SCN2B: variants seen among roughly 807,000 people sequenced by gnomAD.
The protein encoded by SCN2B is sodium channel regulatory subunit beta-2.
A neutral mutation model predicts 18.2 loss-of-function variants in SCN2B; 14 were observed. The observed-to-expected ratio is 0.77, with a 90% CI of 0.51 to 1.21. SCN2B has a LOEUF of 1.21. SCN2B is among the 50% of genes most tolerant of loss of function. The probability of loss-of-function intolerance (pLI) is 0.00; values close to 1 mark genes in which losing one functional copy is unlikely to be tolerated. For synonymous variants in SCN2B, 115 were observed against 115.3 expected (o/e 1.00, Z 0.02); for missense variants, 262 against 286.9 (o/e 0.91, Z 0.63).
rs1948385020 is a variant in SCN2B at position 118,166,727 on chromosome 11, G to C, written c.*160C>G. 1 of 766,906 alleles carries C rather than the reference G, an allele frequency of 1.3e-6. No individual in the cohort carries two copies. Among genetic ancestry groups the C allele is most frequent in the Non-Finnish European group, 2.2e-6 (1 of 451,514 alleles). The allele number at this position is 766,906 out of a possible 1,614,324, so 47.5% of individuals were successfully genotyped here. ...GATGGAAGAGAGTGGGTCACTCTTG[G>C]TGCAGGGTGGGAGATACGAAGTCGG... is the stretch of plus-strand genomic sequence containing the variant. On this transcript the variant is annotated 3_prime_UTR_variant, in exon 4 of 4. Transcript: ENST00000278947.
At chr11:118,174,170 C>G (rs1280106257) in intron 1 of SCN2B, among the ~76,000 whole-genome samples, 2 of 136,326 alleles carry the variant, frequency 1.5e-5, no homozygotes, top group Non-Finnish European at 3.0e-5. Flanking sequence ...CAATTCCTGG[C>G]CTCAAGCGAT....
chr11:118,167,375 G>A (rs988338865), intron 3 of SCN2B, among the ~76,000 whole-genome samples: 5 of 152,188 alleles, frequency 3.3e-5, no homozygotes, highest in African/African-American at 7.2e-5. Context: ...TACGAATTGC[G>A]TGACCTTAAG....
intron 1 of SCN2B, among the ~76,000 whole-genome samples, chr11:118,173,224 C>A (rs60844930): frequency 0.076 from 11,624 of 152,204 alleles, 1,356 homozygotes; most frequent in African/African-American, 0.26. Context: ...CAGCCCCCAT[C>A]CCCCCAGGTC....
chr11:118,168,459 A>G lies in SCN2B; in HGVS notation c.237+126T>C. The G allele has an allele frequency of 2.9e-6, 4 of 1,373,578 alleles. No homozygotes were observed. Among genetic ancestry groups the G allele is most frequent in the South Asian group, 2.3e-5 (2 of 85,380 alleles). 85.1% of individuals were successfully genotyped at this position (1,373,578 alleles called of 1,614,324 possible). On this transcript the variant is annotated intron_variant, in intron 2 of 3. Coordinates refer to ENST00000278947, the MANE Select transcript of SCN2B (RefSeq NM_004588.5). The surrounding 1 kb of genome is among the most constrained non-coding windows in gnomAD (Gnocchi z 4.7). ...CACACCTTGTTTCAAGAGCCTCCAG[A>G]GCACGCAGCCCACCCAGGGTCCTCT...
At chr11:118,174,406 C>T (rs1948453923) in intron 1 of SCN2B, among the ~76,000 whole-genome samples, 1 of 152,030 alleles carries the variant, frequency 6.6e-6, no homozygotes, top group Non-Finnish European at 1.5e-5. Context: ...AGCTGGTTGC[C>T]CACCTGCCCT....
At chr11:118,167,134 T>A in intron 3 of SCN2B, 48 bp from the exon 4 acceptor site, 1 of 1,575,034 alleles carries the variant, frequency 6.3e-7, no homozygotes, top group Non-Finnish European at 8.6e-7. Flanking sequence ...GAAAGGGGCC[T>A]CCCCCATCAC....
At position 118,167,065 on chromosome 11, in the gene SCN2B, G is replaced by A. The variant is rs760333798; in HGVS notation, c.470C>T (p.Thr157Met). The change falls in exon 4 of 4, where the codon ACG (threonine) becomes ATG (methionine). Residue 157 changes from threonine (T) to methionine (M), a missense_variant. By Grantham distance (81) the Thr-to-Met change is moderately conservative. Coordinates refer to ENST00000278947, the MANE Select transcript of SCN2B (RefSeq NM_004588.5). Reference sequence around the variant, plus strand: ...GGAGGCACCCACAATCACGGCCACCGTGGAGTCCCGCTCAGGGGGCTCTGG... The same window carrying A: ...GGAGGCACCCACAATCACGGCCACCATGGAGTCCCGCTCAGGGGGCTCTGG... ...LMEEPPERDS[T>M]VAVIVGASVG... 92 of 1,612,548 alleles carry A rather than the reference G, an allele frequency of 5.7e-5. No individual in the cohort carries two copies. In the East Asian group the frequency reaches 9.1e-4, roughly 16 times the overall value.
Position 118,165,558 on chromosome 11 carries a change from C to T in SCN2B, c.*1329G>A, listed in dbSNP as rs1395062732. ...CTATCACTATCTCAGTTCACTGCAA[C>T]CTCTGCTTCCCGGGCTCAAGCGATT... On this transcript the variant is annotated 3_prime_UTR_variant, in exon 4 of 4. Coordinates refer to ENST00000278947, the MANE Select transcript of SCN2B (RefSeq NM_004588.5). The T allele has an allele frequency of 6.7e-6, 1 of 149,232 alleles. No individual in the cohort carries two copies. Among genetic ancestry groups the T allele is most frequent in the Non-Finnish European group, 1.5e-5 (1 of 67,638 alleles). 9.2% of individuals were successfully genotyped at this position (149,232 alleles called of 1,614,324 possible).
intron 1 of SCN2B, among the ~76,000 whole-genome samples, chr11:118,169,378 C>T (rs1948412454): frequency 1.3e-5 from 2 of 152,290 alleles, no homozygotes; most frequent in African/African-American, 4.8e-5. Flanking sequence ...ATTCTCACCA[C>T]TTCTAACCAT....
intron 3 of SCN2B, 50 bp from the exon 4 acceptor site, chr11:118,167,136 C>T: frequency 6.4e-7 from 1 of 1,563,488 alleles, no homozygotes; most frequent in Non-Finnish European, 8.7e-7. Flanking sequence ...AAGGGGCCTC[C>T]CCCATCACCC....
intron 1 of SCN2B, 92 bp downstream of exon 1, chr11:118,176,270 C>CA: frequency 8.4e-7 from 1 of 1,187,466 alleles, no homozygotes; most frequent in Non-Finnish European, 1.3e-6. Flanking sequence ...AAAGCGCTAG[C>CA]AATGTCTTCT....
chr11:118,168,346 C>G lies in SCN2B; in HGVS notation c.238-51G>C. 1 of 1,531,356 alleles carries G rather than the reference C, an allele frequency of 6.5e-7. No homozygotes were observed. 94.9% of individuals were successfully genotyped at this position (1,531,356 alleles called of 1,614,324 possible). Reference sequence around the variant, plus strand: ...GGGTGGCTGGATGAGCAAGGAACTACAAGGACAGTGAGGATGCCCCCTCTT... The same window carrying G: ...GGGTGGCTGGATGAGCAAGGAACTAGAAGGACAGTGAGGATGCCCCCTCTT... On this transcript the variant is annotated intron_variant, in intron 2 of 3. Coordinates refer to ENST00000278947, the MANE Select transcript of SCN2B (RefSeq NM_004588.5). This position sits in a 1 kb window ranked among gnomAD's most constrained non-coding sequence, Gnocchi z 4.7.
In SCN2B at chr11:118,168,415, G is replaced by A; in HGVS notation, c.238-120C>T. On this transcript the variant is annotated intron_variant, in intron 2 of 3. Transcript: ENST00000278947. This position sits in a 1 kb window ranked among gnomAD's most constrained non-coding sequence, Gnocchi z 4.7. ...GGGGAAGAGAGGCAGTTACCTCTGT[G>A]AGGCACCTGGATGCGCAGCACACCT... is the stretch of plus-strand genomic sequence containing the variant. The A allele has an allele frequency of 7.9e-7, 1 of 1,258,218 alleles. No individual in the cohort carries two copies. The highest frequency in any genetic ancestry group is 1.9e-4 in the Middle Eastern group (1 of 5,404). The allele number at this position is 1,258,218 out of a possible 1,614,324, so 77.9% of individuals were successfully genotyped here.
intron 1 of SCN2B, among the ~76,000 whole-genome samples, chr11:118,170,087 A>G (rs368358175): frequency 2.0e-5 from 3 of 152,200 alleles, no homozygotes; most frequent in African/African-American, 7.2e-5. Flanking sequence ...ATATTTATAA[A>G]TCACCTACTG....
At chr11:118,174,081 TTTTTC>T in intron 1 of SCN2B, among the ~76,000 whole-genome samples, 1 of 142,692 alleles carries the variant, frequency 7.0e-6, no homozygotes, top group Admixed American at 6.9e-5. Flanking sequence ...GCCTGGCTTA[TTTTTC>T]TTTTCTTTTT....
chr11:118,171,557 C>T (rs934341790), intron 1 of SCN2B, among the ~76,000 whole-genome samples: 3 of 152,236 alleles, frequency 2.0e-5, no homozygotes, highest in African/African-American at 7.2e-5. Context: ...TTCTGCGAAG[C>T]CCGGCGGACT....
At chr11:118,170,198 A>T (rs1405687706) in intron 1 of SCN2B, among the ~76,000 whole-genome samples, 2 of 152,222 alleles carry the variant, frequency 1.3e-5, no homozygotes, top group Non-Finnish European at 1.5e-5. Flanking sequence ...AAGGATAGAC[A>T]TCAACAAGGA....
At position 118,163,835 on chromosome 11, in the gene SCN2B, A is replaced by G. The variant is rs1172345101; in HGVS notation, c.*3052T>C. ...ATAAGTTAGGAAACAGGGTAGGGAAATGGCTGCTGTGGAAACATCTCTCTG... is the reference window on the plus strand; with the variant it reads ...ATAAGTTAGGAAACAGGGTAGGGAAGTGGCTGCTGTGGAAACATCTCTCTG... On this transcript the variant is annotated 3_prime_UTR_variant, in exon 4 of 4. Coordinates refer to ENST00000278947, the MANE Select transcript of SCN2B (RefSeq NM_004588.5). 2.0e-5 allele frequency: 3 copies of G among 152,238 alleles called. No individual in the cohort carries two copies. The highest frequency in any genetic ancestry group is 7.2e-5 in the African/African-American group (3 of 41,450). 9.4% of individuals were successfully genotyped at this position (152,238 alleles called of 1,614,324 possible). A position where few individuals can be genotyped will look rare whatever the true frequency, so the allele number is the denominator to read the frequency against.
intron 3 of SCN2B, 85 bp from the exon 4 acceptor site, chr11:118,167,171 C>T (rs1948391821): frequency 7.2e-7 from 1 of 1,398,398 alleles, no homozygotes; most frequent in East Asian, 2.3e-5. Flanking sequence ...TGCGTGGAAC[C>T]ATCCTGACTT....
Sources: allele counts gnomAD v4.1 joint callset (sites outside exome capture counted in the v4.1 genomes callset), GRCh38; gene constraint gnomAD v4.1.1; non-coding constraint Gnocchi (gnomAD v3.1); transcripts MANE v1.5; gene names NCBI Gene and HGNC (gene_info 2026-07-23, HGNC 2026-07-21).